Variants in FNTB observed in about 807,000 individuals in gnomAD.
FNTB encodes the protein farnesyltransferase, CAAX box, subunit beta, also known as protein farnesyltransferase subunit beta.
FNTB carries 27 observed loss-of-function variants against 59.4 expected under a neutral mutation model. That is an observed-to-expected ratio of 0.45 (90% confidence interval 0.34 to 0.63). The LOEUF is 0.63. FNTB is among the 20% of genes least tolerant of loss of function. FNTB has a pLI of 0.02. For synonymous variants in FNTB, 230 were observed against 220.7 expected, an observed-to-expected ratio of 1.04 and a Z score of -0.37; for missense variants, 449 against 559.6, an observed-to-expected ratio of 0.80 and a Z score of 1.99.
At chr14:65,042,022 G>C (rs758774090) in intron 8 of FNTB, among the ~76,000 whole-genome samples, 1 of 152,010 alleles carries the variant, frequency 6.6e-6, no homozygotes, top group Non-Finnish European at 1.5e-5. Context: ...TATAAGGTAG[G>C]GATAACAATC....
intron 9 of FNTB, among the ~76,000 whole-genome samples, chr14:65,048,932 C>T (rs1476501431): frequency 6.6e-6 from 1 of 152,112 alleles, no homozygotes; most frequent in African/African-American, 2.4e-5. Context: ...CAAGACCAGC[C>T]TGGCCAACAT....
At chr14:65,019,925 A>G (rs1453732852) in intron 4 of FNTB, among the ~76,000 whole-genome samples, 2 of 152,196 alleles carry the variant, frequency 1.3e-5, no homozygotes, top group Admixed American at 6.5e-5. Flanking sequence ...CTTTTTATTT[A>G]TCTTGCACAG....
chr14:65,015,473 G>A (rs2061755302), intron 3 of FNTB, 152 bp from the exon 4 acceptor site: 1 of 321,974 alleles, frequency 3.1e-6, no homozygotes, highest in East Asian at 5.1e-5. Context: ...AGGCCACAAA[G>A]CAAAGTGTCC....
In FNTB at chr14:64,994,733, A is replaced by G. The variant is rs528546732; in HGVS notation, c.144+7636A>G. On this transcript the variant is annotated intron_variant, in intron 1 of 11. Coordinates refer to ENST00000246166, the MANE Select transcript of FNTB (RefSeq NM_002028.4). This position sits in a 1 kb window ranked among gnomAD's most constrained non-coding sequence, Gnocchi z 4.2. ...GGGTGAGTGAGTGAATGAGTGGTGA[A>G]TGAATGTGAAGCCCTAGGATATGAG... 1.7e-4 allele frequency among the ~76,000 whole-genome samples: 26 copies of G among 152,206 alleles called. No homozygotes were observed. The highest frequency in any genetic ancestry group is 3.3e-4 in the Admixed American group (5 of 15,278).
In FNTB at chr14:65,047,491, G is replaced by A; in HGVS notation, c.955+3048G>A. ...AGTGGCACTATTTGTTTTTATTATT[G>A]GATTGGCAGAGATTAAAAAACTTGA... On this transcript the variant is annotated intron_variant, in intron 9 of 11. Coordinates refer to ENST00000246166, the MANE Select transcript of FNTB (RefSeq NM_002028.4). The surrounding 1 kb of genome is among the most constrained non-coding windows in gnomAD (Gnocchi z 5.2). Among the ~76,000 whole-genome samples the A allele has an allele frequency of 6.6e-6, 1 of 152,142 alleles. No individual in the cohort carries two copies. Among genetic ancestry groups the A allele is most frequent in the East Asian group, 1.9e-4 (1 of 5,194 alleles).
At chr14:64,989,214 G>A (rs1431807405) in intron 1 of FNTB, among the ~76,000 whole-genome samples, 1 of 147,236 alleles carries the variant, frequency 6.8e-6, no homozygotes, top group African/African-American at 2.6e-5. Context: ...TTCGAGGCGG[G>A]AAGATCACCT....
chr14:64,987,360 A>G, intron 1 of FNTB: 1 of 544,820 alleles, frequency 1.8e-6, no homozygotes, highest in South Asian at 2.1e-5. Context: ...CTAAAGAACG[A>G]GAAGAATCGT....
At position 65,024,266 on chromosome 14, in the gene FNTB, A is replaced by G. The variant is rs967759384; in HGVS notation, c.375-3187A>G. On this transcript the variant is annotated intron_variant, in intron 4 of 11. Transcript: ENST00000246166. Reference sequence around the variant, plus strand: ...TGGGGAGTTTAAAAAAAATACTGCCACCTGGGTCCCACCCATAGTGATTCC... The same window carrying G: ...TGGGGAGTTTAAAAAAAATACTGCCGCCTGGGTCCCACCCATAGTGATTCC... Among the ~76,000 whole-genome samples, 5 of 152,202 alleles carry G rather than the reference A, an allele frequency of 3.3e-5. No individual in the cohort carries two copies. The South Asian group carries it at 1.0e-3, about 31-fold the overall frequency.
intron 7 of FNTB, among the ~76,000 whole-genome samples, chr14:65,033,527 T>C (rs1448023663): frequency 6.6e-6 from 1 of 152,200 alleles, no homozygotes; most frequent in Non-Finnish European, 1.5e-5. Context: ...ATATTTTGTT[T>C]GCTGTACTTT....
At chr14:65,020,535 C>T (rs1203504393) in intron 4 of FNTB, among the ~76,000 whole-genome samples, 1 of 152,104 alleles carries the variant, frequency 6.6e-6, no homozygotes, top group African/African-American at 2.4e-5. Flanking sequence ...AAGCAATTCT[C>T]CTGCCTCGGC....
At chr14:65,046,310 T>C (rs1421194742) in intron 9 of FNTB, among the ~76,000 whole-genome samples, 14 of 152,204 alleles carry the variant, frequency 9.2e-5, no homozygotes, top group Admixed American at 9.2e-4. Context: ...CTTGGGGTCA[T>C]GGTGATCTCT....
In FNTB at chr14:65,032,352, G is replaced by A; in HGVS notation, c.606-258G>A. ...AATTGATATGGCTGTTATTTCCTCT[G>A]ATGTAGATTGGACCATGTGGAGGTA... On this transcript the variant is annotated intron_variant, in intron 6 of 11. Coordinates refer to ENST00000246166, the MANE Select transcript of FNTB (RefSeq NM_002028.4). The surrounding 1 kb of genome is among the most constrained non-coding windows in gnomAD (Gnocchi z 5.0). 5.6e-6 allele frequency: 2 copies of A among 357,200 alleles called. No homozygotes were observed. Among genetic ancestry groups the A allele is most frequent in the African/African-American group, 2.1e-5 (1 of 47,260 alleles). 22.1% of individuals were successfully genotyped at this position (357,200 alleles called of 1,614,324 possible).
At chr14:65,048,539 TAGA>T (rs772341791) in intron 9 of FNTB, among the ~76,000 whole-genome samples, 3 of 152,120 alleles carry the variant, frequency 2.0e-5, no homozygotes, top group Non-Finnish European at 4.4e-5. Flanking sequence ...AGTATTTGAG[TAGA>T]AGAAGGAATT....
At chr14:65,016,924 T>TTTTTG (rs2061785363) in intron 4 of FNTB, among the ~76,000 whole-genome samples, 1 of 144,984 alleles carries the variant, frequency 6.9e-6, no homozygotes, top group Admixed American at 6.9e-5. Context: ...CACGTGGTTT[T>TTTTTG]TTTTTTTTTT....
Position 65,007,586 on chromosome 14 carries a change from T to C in FNTB, c.209+3273T>C, listed in dbSNP as rs530485816. Among the ~76,000 whole-genome samples, 25 of 152,220 alleles carry C rather than the reference T, an allele frequency of 1.6e-4. No individual in the cohort carries two copies. Among genetic ancestry groups the C allele is most frequent in the Non-Finnish European group, 3.5e-4 (24 of 68,032 alleles). On this transcript the variant is annotated intron_variant, in intron 2 of 11. Transcript: ENST00000246166. This position sits in a 1 kb window ranked among gnomAD's most constrained non-coding sequence, Gnocchi z 4.9. The stretch of plus-strand genomic sequence containing the variant: ...CTTAATCCCCTTCCCAGAAATGATT[T>C]TCTTCTCTAAGGTTGGGACTGTCTA...
At chr14:64,993,017 TG>T (rs1474968326) in intron 1 of FNTB, among the ~76,000 whole-genome samples, 2 of 152,136 alleles carry the variant, frequency 1.3e-5, no homozygotes, top group Non-Finnish European at 2.9e-5. Flanking sequence ...TATATTTTTT[TG>T]TAGAGACAGG....
Position 65,061,278 on chromosome 14 carries a change from A to T in FNTB, c.1280A>T (p.Lys427Met), listed in dbSNP as rs1274307779. ...CCAGTCCCAGGTTTTGAGGAGCTTA[A>T]GGATGAGACATCGGCAGAGCCTGCA... ...QKPVPGFEEL[K>M]DETSAEPATD is the part of the protein sequence containing the mutation. The change falls in exon 12 of 12, where the codon AAG (lysine) becomes ATG (methionine). Residue 427 changes from lysine (K) to methionine (M), a missense_variant. Around this residue, in one of 2 missense-constraint regions of FNTB, gnomAD observed 337 missense variants for 479.1 expected, o/e 0.70. Transcript: ENST00000246166. The T allele has an allele frequency of 3.7e-6, 6 of 1,614,162 alleles. No individual in the cohort carries two copies. Among genetic ancestry groups the T allele is most frequent in the South Asian group, 1.1e-5 (1 of 91,086 alleles).
intron 7 of FNTB, among the ~76,000 whole-genome samples, chr14:65,037,321 C>A (rs2062214832): frequency 7.2e-6 from 1 of 139,808 alleles, no homozygotes. Context: ...CCAGGCTGGT[C>A]TCGAACTCCT....
chr14:65,013,616 C>T (rs918411014), intron 3 of FNTB, among the ~76,000 whole-genome samples: 14 of 152,200 alleles, frequency 9.2e-5, no homozygotes, highest in Admixed American at 7.9e-4. Flanking sequence ...GTGGCATGAT[C>T]GTGAGTCACT....
Sources: gnomAD v4.1 joint callset for allele counts (sites outside exome capture counted in the v4.1 genomes callset) on GRCh38, gnomAD v4.1.1 for gene constraint, gnomAD v4.1.1 regional missense constraint, Gnocchi (gnomAD v3.1) non-coding constraint, MANE v1.5 for transcripts, NCBI Gene and HGNC (gene_info 2026-07-23, HGNC 2026-07-21) for gene names.